The following ERC2 variants were observed in gnomAD, a reference collection of about 807,000 sequenced individuals.
The protein encoded by ERC2 is ELKS/RAB6-interacting/CAST family member 2, also known as ERC protein 2.
A neutral mutation model predicts 114.8 loss-of-function variants in ERC2; 42 were observed. That is an observed-to-expected ratio of 0.37 (90% CI 0.29 to 0.47). ERC2 has a LOEUF of 0.47. ERC2 is among the 20% of genes least tolerant of loss of function. The probability of loss-of-function intolerance (pLI) is 0.99; values close to 1 mark genes in which losing one functional copy is unlikely to be tolerated. For synonymous variants in ERC2, 454 were observed against 425.5 expected (o/e 1.07, Z -0.82); for missense variants, 939 against 1,150.7 (o/e 0.82, Z 2.66).
intron 17 of ERC2, among the ~76,000 whole-genome samples, chr3:55,540,660 C>G (rs748522964): frequency 6.6e-6 from 1 of 152,182 alleles, no homozygotes; most frequent in Admixed American, 6.5e-5. Flanking sequence ...CCAGCTTTAA[C>G]GTTCTTTATC....
chr3:56,406,091 C>A (rs1368791739), intron 2 of ERC2, among the ~76,000 whole-genome samples: 1 of 151,222 alleles, frequency 6.6e-6, no homozygotes, highest in Admixed American at 6.6e-5. Context: ...CGTGGTTGTG[C>A]CATGTCGGCC....
At chr3:56,126,965 A>G (rs2079912689) in intron 6 of ERC2, among the ~76,000 whole-genome samples, 1 of 152,234 alleles carries the variant, frequency 6.6e-6, no homozygotes, top group East Asian at 1.9e-4. Flanking sequence ...TAATCACCAA[A>G]TTCAGTAAGG....
chr3:55,949,480 T>C (rs2067349762), intron 13 of ERC2, among the ~76,000 whole-genome samples: 1 of 152,028 alleles, frequency 6.6e-6, no homozygotes. Flanking sequence ...AAGGCATGTC[T>C]AGGACACAGA....
At chr3:56,323,922 G>A (rs1024734980) in intron 2 of ERC2, among the ~76,000 whole-genome samples, 1 of 152,034 alleles carries the variant, frequency 6.6e-6, no homozygotes, top group African/African-American at 2.4e-5. Context: ...TTCTTAATCT[G>A]TCATGAGATT....
intron 14 of ERC2, among the ~76,000 whole-genome samples, chr3:55,769,598 A>G (rs1248118080): frequency 2.6e-5 from 4 of 152,162 alleles, no homozygotes; most frequent in Admixed American, 6.5e-5. Context: ...ATTTGGTTGA[A>G]CAATTAGAAA....
At chr3:56,336,013 T>C (rs1468950704) in intron 2 of ERC2, among the ~76,000 whole-genome samples, 2 of 152,190 alleles carry the variant, frequency 1.3e-5, no homozygotes, top group Non-Finnish European at 2.9e-5. Flanking sequence ...CCCTACCTTG[T>C]AGGCAGTTCA....
intron 17 of ERC2, among the ~76,000 whole-genome samples, chr3:55,583,067 A>C (rs2057339763): frequency 6.6e-6 from 1 of 152,250 alleles, no homozygotes; most frequent in Admixed American, 6.5e-5. Context: ...AGTACTAATT[A>C]GTTAATGTAC....
At chr3:55,989,868 A>G (rs910591672) in intron 11 of ERC2, among the ~76,000 whole-genome samples, 8 of 152,158 alleles carry the variant, frequency 5.3e-5, no homozygotes, top group Non-Finnish European at 1.2e-4. Flanking sequence ...TAAAACTACT[A>G]TAATTTTTAA....
intron 7 of ERC2, among the ~76,000 whole-genome samples, chr3:56,036,769 C>T (rs898290776): frequency 6.6e-6 from 1 of 152,128 alleles, no homozygotes; most frequent in African/African-American, 2.4e-5. Context: ...ACCTGCAAAT[C>T]AGGAGATTCC....
intron 2 of ERC2, among the ~76,000 whole-genome samples, chr3:56,303,746 T>C (rs1382062976): frequency 6.6e-6 from 1 of 152,204 alleles, no homozygotes; most frequent in African/African-American, 2.4e-5. Flanking sequence ...ACTGAGATTC[T>C]TCTAGCAAGC....
intron 14 of ERC2, among the ~76,000 whole-genome samples, chr3:55,757,272 A>G (rs924525791): frequency 1.3e-5 from 2 of 152,246 alleles, no homozygotes; most frequent in Non-Finnish European, 1.5e-5. Context: ...TAACATTTAC[A>G]AAAAACACAG....
At chr3:55,653,028 C>T (rs907175929) in intron 17 of ERC2, among the ~76,000 whole-genome samples, 2 of 152,086 alleles carry the variant, frequency 1.3e-5, no homozygotes, top group Non-Finnish European at 2.9e-5. Context: ...TAGTATCTTT[C>T]AGAAGTCTCA....
At chr3:56,247,206 C>A (rs2051769641) in intron 3 of ERC2, among the ~76,000 whole-genome samples, 1 of 152,188 alleles carries the variant, frequency 6.6e-6, no homozygotes, top group African/African-American at 2.4e-5. Context: ...ACACAGCAAA[C>A]ATTAATTTCA....
At chr3:56,352,579 G>T (rs2058594362) in intron 2 of ERC2, among the ~76,000 whole-genome samples, 1 of 152,146 alleles carries the variant, frequency 6.6e-6, no homozygotes, top group Non-Finnish European at 1.5e-5. Context: ...GTTATATATT[G>T]CTACATAAGG....
At chr3:56,319,347 A>T (rs2057019738) in intron 2 of ERC2, among the ~76,000 whole-genome samples, 1 of 152,236 alleles carries the variant, frequency 6.6e-6, no homozygotes, top group South Asian at 2.1e-4. Flanking sequence ...TGCCACAACA[A>T]AGATGAACTT....
intron 17 of ERC2, among the ~76,000 whole-genome samples, chr3:55,557,034 G>C (rs1489040120): frequency 6.6e-6 from 1 of 152,166 alleles, no homozygotes; most frequent in Non-Finnish European, 1.5e-5. Context: ...GGAGAGATGA[G>C]ACATGAGTTT....
chr3:55,679,012 C>T (rs529563668), intron 17 of ERC2, among the ~76,000 whole-genome samples: 22 of 152,294 alleles, frequency 1.4e-4, no homozygotes, highest in South Asian at 2.1e-4. Context: ...CTTCCTGCCA[C>T]GACAATTCAT....
intron 6 of ERC2, among the ~76,000 whole-genome samples, chr3:56,109,676 G>A (rs1205002007): frequency 6.6e-6 from 1 of 152,184 alleles, no homozygotes; most frequent in African/African-American, 2.4e-5. Flanking sequence ...AGTAAAGAAT[G>A]TAAAGGTACA....
At chr3:56,201,375 C>T (rs1431064162) in intron 3 of ERC2, among the ~76,000 whole-genome samples, 1 of 152,154 alleles carries the variant, frequency 6.6e-6, no homozygotes, top group African/African-American at 2.4e-5. Flanking sequence ...TGATGGAGCC[C>T]TTCTGGGGTC....
Sources: gnomAD v4.1 joint callset for allele counts (sites outside exome capture counted in the v4.1 genomes callset) on GRCh38, gnomAD v4.1.1 for gene constraint, MANE v1.5 for transcripts, NCBI Gene and HGNC (gene_info 2026-07-23, HGNC 2026-07-21) for gene names.